The following WDR59 variants were observed in gnomAD, a reference collection of about 807,000 sequenced individuals.
WDR59 encodes GATOR2 complex protein WDR59.
In WDR59, 100 loss-of-function variants were observed where a neutral mutation model predicts 131.2. That is an observed-to-expected ratio of 0.76 (90% CI 0.65 to 0.90). The LOEUF (loss-of-function observed/expected upper bound fraction) is 0.90, where lower values mean the gene tolerates loss of function less well. Among genes scored for constraint, WDR59 ranks in the 40% least tolerant of loss-of-function variants. The pLI is 0.00. For missense variants in WDR59, 1,203 were observed against 1,262.2 expected, an observed-to-expected ratio of 0.95 and a Z score of 0.71; for synonymous variants, 601 against 466.2, an observed-to-expected ratio of 1.29 and a Z score of -3.72.
chr16:74,926,019 T>G (rs565161536), intron 8 of WDR59, among the ~76,000 whole-genome samples: 3 of 146,942 alleles, frequency 2.0e-5, no homozygotes, highest in African/African-American at 7.6e-5. Context: ...AAAAAAAAAG[T>G]ATATCAGACT....
At chr16:74,955,661 C>T (rs9922907) in intron 3 of WDR59, among the ~76,000 whole-genome samples, 7,242 of 152,230 alleles carry the variant, frequency 0.048, 337 homozygotes, top group Admixed American at 0.11. Context: ...GACAAAGTTG[C>T]TCTTCTTTCC....
chr16:74,940,591 C>T (rs2032140532), intron 7 of WDR59, among the ~76,000 whole-genome samples: 1 of 152,154 alleles, frequency 6.6e-6, no homozygotes, highest in African/African-American at 2.4e-5. Context: ...GTCTGTAATG[C>T]TTGCTGCCAT....
At chr16:74,950,730 C>T (rs766740286) in intron 4 of WDR59, among the ~76,000 whole-genome samples, 2 of 152,282 alleles carry the variant, frequency 1.3e-5, no homozygotes, top group Non-Finnish European at 2.9e-5. Context: ...TGAACTGTGA[C>T]GCAGGAGCTC....
intron 8 of WDR59, among the ~76,000 whole-genome samples, chr16:74,926,984 A>G (rs1024065898): frequency 9.9e-5 from 15 of 152,212 alleles, no homozygotes; most frequent in African/African-American, 3.4e-4. Flanking sequence ...TTAATGCACA[A>G]TATGAATGAA....
intron 1 of WDR59, among the ~76,000 whole-genome samples, chr16:74,981,643 TATATATATATATA>T (rs1304817295): frequency 0.15 from 3,311 of 22,564 alleles, 424 homozygotes; most frequent in East Asian, 0.26. Context: ...TATATATATA[TATATATATATATA>T]TATATTTTTT....
chr16:74,942,080 CGACCCTCACTGAG>C (rs1260924801), intron 7 of WDR59, among the ~76,000 whole-genome samples: 11 of 152,226 alleles, frequency 7.2e-5, no homozygotes, highest in African/African-American at 2.4e-4. Context: ...CCCTGTGCCA[CGACCCTCACTGAG>C]GCCAACACAA....
intron 1 of WDR59, among the ~76,000 whole-genome samples, chr16:74,981,627 T>TACAC (rs1198533185): frequency 4.9e-4 from 1 of 2,032 alleles, no homozygotes; most frequent in African/African-American, 9.7e-4. Context: ...TATATATATA[T>TACAC]ATATATATAT....
chr16:74,903,245 T>C (rs970728825), intron 18 of WDR59, among the ~76,000 whole-genome samples: 1 of 152,218 alleles, frequency 6.6e-6, no homozygotes, highest in African/African-American at 2.4e-5. Context: ...CAGTGCTCAG[T>C]GGTAACTCTG....
intron 5 of WDR59, 26 bp downstream of exon 5, chr16:74,949,692 T>A: frequency 6.2e-7 from 1 of 1,607,096 alleles, no homozygotes; most frequent in South Asian, 1.1e-5. Flanking sequence ...CCCAACCAAG[T>A]GGTTATGCCT....
intron 2 of WDR59, among the ~76,000 whole-genome samples, chr16:74,961,325 A>T (rs1340006287): frequency 6.6e-6 from 1 of 152,074 alleles, no homozygotes. Flanking sequence ...AACAAAAAAA[A>T]CCCAATATAA....
chr16:74,907,030 C>A (rs1965851885), intron 17 of WDR59, among the ~76,000 whole-genome samples: 1 of 152,094 alleles, frequency 6.6e-6, no homozygotes, highest in Non-Finnish European at 1.5e-5. Context: ...ACAGTTATTC[C>A]TTCTTTCCCT....
chr16:74,980,941 G>C (rs1358544943), intron 1 of WDR59, among the ~76,000 whole-genome samples: 2 of 151,500 alleles, frequency 1.3e-5, no homozygotes, highest in East Asian at 2.0e-4. Flanking sequence ...CTCCAGCCTG[G>C]GCAACAGAGC....
intron 2 of WDR59, among the ~76,000 whole-genome samples, chr16:74,965,163 G>A (rs769777530): frequency 1.3e-5 from 2 of 152,064 alleles, no homozygotes; most frequent in Non-Finnish European, 1.5e-5. Context: ...CCTCAGCTTC[G>A]CAAGTAGCTG....
At chr16:74,902,464 T>C (rs1321967569) in intron 18 of WDR59, among the ~76,000 whole-genome samples, 1 of 152,146 alleles carries the variant, frequency 6.6e-6, no homozygotes, top group African/African-American at 2.4e-5. Flanking sequence ...ATCAAAAACA[T>C]GGACACAGGC....
In WDR59 at chr16:74,903,837, G is replaced by A; in HGVS notation, c.1866+110C>T. 10 of 1,325,694 alleles carry A rather than the reference G, an allele frequency of 7.5e-6. No individual in the cohort carries two copies. In the South Asian group the frequency reaches 1.2e-4, roughly 16 times the overall value. 82.1% of individuals were successfully genotyped at this position (1,325,694 alleles called of 1,614,324 possible). ...TTTCTTGAACAAACTGATTACGAAA[G>A]TGAAAGGCTACAGGGTGATTACTAA... is the stretch of plus-strand genomic sequence containing the variant. On this transcript the variant is annotated intron_variant, in intron 18 of 25. Transcript: ENST00000262144.
intron 2 of WDR59, chr16:74,963,172 G>C (rs181950535): frequency 1.3e-5 from 2 of 152,234 alleles, no homozygotes; most frequent in African/African-American, 4.8e-5. Context: ...AGAATTGCTT[G>C]AACCCGGGAG....
intron 18 of WDR59, among the ~76,000 whole-genome samples, chr16:74,902,360 C>A (rs1025118185): frequency 2.0e-5 from 3 of 152,146 alleles, no homozygotes; most frequent in African/African-American, 7.2e-5. Flanking sequence ...CACTCCCCTG[C>A]AGATACTATC....
chr16:74,958,615 A>AAAAAAAAAAAAAAT, intron 2 of WDR59, among the ~76,000 whole-genome samples: 1 of 140,840 alleles, frequency 7.1e-6, no homozygotes, highest in African/African-American at 2.6e-5. Flanking sequence ...AAAAAAAAAA[A>AAAAAAAAAAAAAAT]AAAAACAAGC....
chr16:74,907,569 C>A (rs1383864788), intron 17 of WDR59, among the ~76,000 whole-genome samples: 1 of 152,226 alleles, frequency 6.6e-6, no homozygotes, highest in Admixed American at 6.5e-5. Flanking sequence ...AACCTCTTTT[C>A]TTTATAAATT....
Sources: allele counts gnomAD v4.1 joint callset (sites outside exome capture counted in the v4.1 genomes callset), GRCh38; gene constraint gnomAD v4.1.1; transcripts MANE v1.5; gene names NCBI Gene and HGNC (gene_info 2026-07-23, HGNC 2026-07-21).